Variants in MICAL2 observed in about 807,000 individuals in gnomAD.
MICAL2 encodes the protein microtubule associated monooxygenase, calponin and LIM domain containing 2.
MICAL2 carries 77 observed loss-of-function variants against 127.3 expected under a neutral mutation model. That is an observed-to-expected ratio of 0.60 (90% CI 0.50 to 0.73). The LOEUF is 0.73. Among genes scored for constraint, MICAL2 ranks in the 30% least tolerant of loss-of-function variants. The pLI is 0.00. For synonymous variants in MICAL2, 570 were observed against 551.1 expected, an observed-to-expected ratio of 1.03 and a Z score of -0.48; for missense variants, 1,351 against 1,434.4, an observed-to-expected ratio of 0.94 and a Z score of 0.94.
At chr11:12,319,862 A>G (rs1332916593) in intron 30 of MICAL2, 9 of 1,408,664 alleles carry the variant, frequency 6.4e-6, no homozygotes, top group Non-Finnish European at 9.1e-6. Context: ...GGGGCTGCTT[A>G]CCATCCAGAT....
chr11:12,299,246 G>A (rs768790614), intron 29 of MICAL2, among the ~76,000 whole-genome samples: 1 of 152,062 alleles, frequency 6.6e-6, no homozygotes, highest in Non-Finnish European at 1.5e-5. Flanking sequence ...ATTTTACCTA[G>A]CCTATCAGAT....
downstream of MICAL2, chr11:12,293,485 A>G (rs988802994): frequency 1.3e-6 from 2 of 1,492,378 alleles, no homozygotes; most frequent in African/African-American, 2.8e-5. Flanking sequence ...GGGGTTGTAG[A>G]TTGAGATTTG....
At chr11:12,317,967 A>T (rs1864249436) in intron 29 of MICAL2, among the ~76,000 whole-genome samples, 1 of 152,198 alleles carries the variant, frequency 6.6e-6, no homozygotes, top group Admixed American at 6.5e-5. Flanking sequence ...TTATTTTTTG[A>T]AAGTTAAAAG....
At chr11:12,270,274 A>G (rs1043496217) in intron 24 of MICAL2, among the ~76,000 whole-genome samples, 1 of 152,200 alleles carries the variant, frequency 6.6e-6, no homozygotes, top group Non-Finnish European at 1.5e-5. Flanking sequence ...GTGTGCTCAG[A>G]TGCCTTCCCC....
intron 5 of MICAL2, 121 bp downstream of exon 5, chr11:12,208,260 G>A: frequency 1.4e-6 from 1 of 726,224 alleles, no homozygotes; most frequent in Non-Finnish European, 2.3e-6. Flanking sequence ...TTGGCATAAT[G>A]CCACTGAAGG....
intron 22 of MICAL2, 24 bp from the exon 23 acceptor site, chr11:12,255,619 T>C (rs778955814): frequency 6.2e-7 from 1 of 1,609,836 alleles, no homozygotes; most frequent in Admixed American, 1.7e-5. Context: ...TGTCTCTGTC[T>C]CCTCTGCCTC....
At chr11:12,260,792 T>C (rs774060027) in intron 26 of MICAL2, 28 of 985,378 alleles carry the variant, frequency 2.8e-5, no homozygotes, top group Non-Finnish European at 3.3e-5. Context: ...GGAGGAGGAC[T>C]GTTTTGCTCC....
At chr11:12,330,071 T>A (rs1391114654) in intron 32 of MICAL2, among the ~76,000 whole-genome samples, 2 of 152,178 alleles carry the variant, frequency 1.3e-5, no homozygotes, top group South Asian at 2.1e-4. Context: ...CAGATGCAGA[T>A]CAACAAGGGG....
chr11:12,354,196 G>C (rs913413504), intron 33 of MICAL2, among the ~76,000 whole-genome samples: 3 of 152,218 alleles, frequency 2.0e-5, no homozygotes, highest in African/African-American at 7.2e-5. Context: ...ACAGGCTAAG[G>C]CTGGGTGCAG....
chr11:12,260,810 TG>T, intron 26 of MICAL2: 1 of 985,472 alleles, frequency 1.0e-6, no homozygotes, highest in Non-Finnish European at 1.2e-6. Context: ...TCCCTTGTTT[TG>T]ATGTTAAACA....
chr11:12,219,180 C>A (rs548117506), intron 8 of MICAL2, among the ~76,000 whole-genome samples: 1 of 152,218 alleles, frequency 6.6e-6, no homozygotes, highest in Non-Finnish European at 1.5e-5. Context: ...GGTCCCCTCC[C>A]ACTCCAGGTG....
chr11:12,159,651 A>G (rs930508792), intron 2 of MICAL2, among the ~76,000 whole-genome samples: 1 of 152,208 alleles, frequency 6.6e-6, no homozygotes, highest in Non-Finnish European at 1.5e-5. Flanking sequence ...GGCAAGTTCA[A>G]ATAGCCTTGT....
At chr11:12,225,234 C>G (rs967938823) in intron 13 of MICAL2, among the ~76,000 whole-genome samples, 1 of 152,296 alleles carries the variant, frequency 6.6e-6, no homozygotes, top group African/African-American at 2.4e-5. Flanking sequence ...GCTGTGTGTC[C>G]TTGGGCAAGC....
intron 26 of MICAL2, chr11:12,261,127 C>G: frequency 1.0e-6 from 1 of 985,514 alleles, no homozygotes; most frequent in Non-Finnish European, 1.2e-6. Flanking sequence ...ATGTGGTGTC[C>G]TTTGGGACTG....
chr11:12,259,174 T>TA (rs770152341), intron 25 of MICAL2, among the ~76,000 whole-genome samples: 5,628 of 152,288 alleles, frequency 0.037, 129 homozygotes, highest in Non-Finnish European at 0.043. Context: ...AGAAACAAAG[T>TA]TAAATCACCT....
intron 32 of MICAL2, among the ~76,000 whole-genome samples, chr11:12,335,656 T>G (rs1477836734): frequency 6.6e-6 from 1 of 152,232 alleles, no homozygotes; most frequent in East Asian, 1.9e-4. Flanking sequence ...GGATCCAGTT[T>G]CAGCTTTCTA....
At chr11:12,137,315 A>G (rs1337283567) in intron 1 of MICAL2, among the ~76,000 whole-genome samples, 2 of 152,138 alleles carry the variant, frequency 1.3e-5, no homozygotes, top group East Asian at 3.9e-4. Flanking sequence ...TGTCCAGTAC[A>G]CCTTTCCCTC....
intron 5 of MICAL2, 143 bp downstream of exon 5, chr11:12,208,282 T>G (rs542751478): frequency 5.3e-4 from 69 of 129,356 alleles, no homozygotes; most frequent in South Asian, 4.7e-3. Flanking sequence ...TATTTTACTG[T>G]TTTTTTTTTA....
chr11:12,178,482 TG>T (rs1293234352), intron 3 of MICAL2, among the ~76,000 whole-genome samples: 1 of 149,368 alleles, frequency 6.7e-6, no homozygotes. Context: ...GGGGCAGGCA[TG>T]GGGGCTTCCA....
Sources: gnomAD v4.1 joint callset for allele counts (sites outside exome capture counted in the v4.1 genomes callset) on GRCh38, gnomAD v4.1.1 for gene constraint, MANE v1.5 for transcripts, NCBI Gene and HGNC (gene_info 2026-07-23, HGNC 2026-07-21) for gene names.